The following ARPP21 variants were observed in gnomAD, a reference collection of about 807,000 sequenced individuals.
The protein encoded by ARPP21 is cAMP-regulated phosphoprotein 21.
Under a neutral mutation model 113.2 loss-of-function variants are expected in ARPP21, and 69 were observed. The observed-to-expected ratio is 0.61, with a 90% CI of 0.50 to 0.74. ARPP21 has a LOEUF of 0.74. ARPP21 is among the 30% of genes least tolerant of loss of function. The pLI is 0.00. For synonymous variants in ARPP21, 368 were observed against 375.5 expected (o/e 0.98, Z 0.23); for missense variants, 1,070 against 1,037.4 (o/e 1.03, Z -0.43).
chr3:35,771,239 T>G (rs542510215), intron 19 of ARPP21, among the ~76,000 whole-genome samples: 1 of 152,316 alleles, frequency 6.6e-6, no homozygotes, highest in South Asian at 2.1e-4. Context: ...TCTGGGCACA[T>G]TGGTGACCAT....
intron 1 of ARPP21, among the ~76,000 whole-genome samples, chr3:35,679,189 A>G (rs1053503210): frequency 2.0e-5 from 3 of 151,946 alleles, no homozygotes; most frequent in Non-Finnish European, 4.4e-5. Flanking sequence ...CAACAAGAAT[A>G]TTAGGAATTC....
At chr3:35,678,608 G>C (rs530298480) in intron 1 of ARPP21, among the ~76,000 whole-genome samples, 16 of 152,012 alleles carry the variant, frequency 1.1e-4, no homozygotes, top group Non-Finnish European at 1.5e-4. Context: ...CATAAAACAT[G>C]AATAAATCCA....
rs552370637 is a variant in ARPP21 at position 35,737,076 on chromosome 3, C to A, written c.1460-102C>A. The A allele has an allele frequency of 6.2e-5, 44 of 705,770 alleles. No homozygotes were observed. In the South Asian group the frequency reaches 8.2e-4, roughly 13 times the overall value. The allele number at this position is 705,770 out of a possible 1,614,324, so 43.7% of individuals were successfully genotyped here. On this transcript the variant is annotated intron_variant, in intron 15 of 20. Transcript: ENST00000684406. ...GGGTCTTAGATTTCCACTGCCCTGC[C>A]CCTTTACTTTAGGTTACTTTTTGAG... is the stretch of plus-strand genomic sequence containing the variant.
At chr3:35,694,265 C>T (rs1252821818) in intron 9 of ARPP21, among the ~76,000 whole-genome samples, 1 of 151,468 alleles carries the variant, frequency 6.6e-6, no homozygotes, top group African/African-American at 2.4e-5. Flanking sequence ...GTGTACTGCA[C>T]TGACCTCTGG....
chr3:35,667,841 A>AAGAAGAAAAGAAGAAGAAGAAG (rs1559547262), intron 1 of ARPP21, among the ~76,000 whole-genome samples: 30 of 81,536 alleles, frequency 3.7e-4, no homozygotes, highest in African/African-American at 1.5e-3. Context: ...TTTTATTCTC[A>AAGAAGAAAAGAAGAAGAAGAAG]AAGAAGAAGA....
intron 1 of ARPP21, among the ~76,000 whole-genome samples, chr3:35,668,639 C>G (rs1248731915): frequency 2.6e-5 from 4 of 152,086 alleles, no homozygotes; most frequent in Non-Finnish European, 4.4e-5. Flanking sequence ...TGCCAAGATT[C>G]AAATTACACA....
chr3:35,739,276 C>T lies in ARPP21; in HGVS notation c.1750-41C>T, dbSNP rs560573169. 3.8e-6 allele frequency: 6 copies of T among 1,595,940 alleles called. No homozygotes were observed. In the South Asian group the frequency reaches 5.7e-5, roughly 15 times the overall value. On this transcript the variant is annotated intron_variant, in intron 17 of 20. Transcript: ENST00000684406. Reference sequence around the variant, plus strand: ...TCAGAGTGCCTCTCTTATTACCAAGCTGATCCTGTGAATTCCCTCATTTAT... The same window carrying T: ...TCAGAGTGCCTCTCTTATTACCAAGTTGATCCTGTGAATTCCCTCATTTAT...
chr3:35,715,291 T>G, intron 11 of ARPP21, 148 bp from the exon 12 acceptor site: 1 of 652,016 alleles, frequency 1.5e-6, no homozygotes, highest in Non-Finnish European at 2.7e-6. Flanking sequence ...TAACCAACCT[T>G]TTTCCTTTTT....
intron 9 of ARPP21, among the ~76,000 whole-genome samples, chr3:35,704,750 C>A (rs2149936708): frequency 6.6e-6 from 1 of 152,058 alleles, no homozygotes; most frequent in Middle Eastern, 3.4e-3. Context: ...GCTAAATGTT[C>A]ATTTGCTTAT....
chr3:35,712,561 T>TCA lies in ARPP21; in HGVS notation c.898-2878_898-2877insCA, dbSNP rs1559709422. On this transcript the variant is annotated intron_variant, in intron 11 of 20. Transcript: ENST00000684406. ...GTGTGTGTGTGTGTGTGTGTGTGTGTGAAAGAGAGAGAGTGTGTGTGTGTA... is the reference window on the plus strand; with the variant it reads ...GTGTGTGTGTGTGTGTGTGTGTGTGTCAGAAAGAGAGAGAGTGTGTGTGTGTA... Among the ~76,000 whole-genome samples the TCA allele has an allele frequency of 3.1e-3, 439 of 143,644 alleles. 1 individual carries two copies. The highest frequency in any genetic ancestry group is 9.8e-3 in the African/African-American group (373 of 37,926). 94.2% of individuals were successfully genotyped at this position (143,644 alleles called of 152,430 possible).
chr3:35,720,949 G>C (rs1219574114), intron 13 of ARPP21, among the ~76,000 whole-genome samples: 1 of 152,160 alleles, frequency 6.6e-6, no homozygotes, highest in Non-Finnish European at 1.5e-5. Context: ...ATTTTCAAAA[G>C]TTTTTCTACG....
At chr3:35,644,992 C>A (rs192299886) in intron 1 of ARPP21, among the ~76,000 whole-genome samples, 1 of 151,670 alleles carries the variant, frequency 6.6e-6, no homozygotes, top group East Asian at 1.9e-4. Flanking sequence ...ATTGTAATTG[C>A]GACATTAAAA....
At chr3:35,645,159 A>T (rs1016109096) in intron 1 of ARPP21, among the ~76,000 whole-genome samples, 4 of 151,852 alleles carry the variant, frequency 2.6e-5, no homozygotes, top group Non-Finnish European at 2.9e-5. Flanking sequence ...TATCCAGATA[A>T]AGAGGGCAAG....
rs543715449 is a variant in ARPP21 at position 35,781,126 on chromosome 3, G to A, written c.2138-11256G>A. ...ATCCCTCTGCCTGAGAATTTAGATA[G>A]CTGGTTGTCCCTTGTGAGGGAGCTC... On this transcript the variant is annotated intron_variant, in intron 19 of 20. Transcript: ENST00000684406. Among the ~76,000 whole-genome samples, 3 of 152,292 alleles carry A rather than the reference G, an allele frequency of 2.0e-5. No individual in the cohort carries two copies. The East Asian group carries it at 5.8e-4, about 29-fold the overall frequency.
chr3:35,713,112 C>T (rs971731291), intron 11 of ARPP21, among the ~76,000 whole-genome samples: 1 of 152,082 alleles, frequency 6.6e-6, no homozygotes, highest in Non-Finnish European at 1.5e-5. Context: ...TAAGCAAAAT[C>T]GTTTTTCTTC....
intron 20 of ARPP21, 58 bp from the exon 21 acceptor site, chr3:35,793,643 T>C (rs1409148750): frequency 1.6e-6 from 2 of 1,236,188 alleles, no homozygotes; most frequent in Non-Finnish European, 2.4e-6. Flanking sequence ...CCATGTTGTT[T>C]ATTGTACAGA....
intron 19 of ARPP21, among the ~76,000 whole-genome samples, chr3:35,762,096 C>CCTCTCTCTCTCTCT (rs373149403): frequency 4.1e-4 from 56 of 136,122 alleles, no homozygotes; most frequent in Middle Eastern, 3.6e-3. Context: ...CTCTCTCTCT[C>CCTCTCTCTCTCTCT]CTCTCTCTCT....
chr3:35,712,320 G>C (rs998457592), intron 11 of ARPP21, among the ~76,000 whole-genome samples: 10 of 152,024 alleles, frequency 6.6e-5, no homozygotes, highest in African/African-American at 2.4e-4. Flanking sequence ...GCTTTCCTTG[G>C]CAATTATTAT....
At position 35,721,545 on chromosome 3, in the gene ARPP21, C is replaced by A. The variant is rs2093072512; in HGVS notation, c.996-60C>A. The stretch of plus-strand genomic sequence containing the variant: ...AAGAAAAGCCTTGCTCTGTGCCTAC[C>A]AACACCATGCATGTAAGGTAATCCT... On this transcript the variant is annotated intron_variant, in intron 13 of 20. Transcript: ENST00000684406. The A allele has an allele frequency of 3.1e-6, 3 of 974,214 alleles. No individual in the cohort carries two copies. The South Asian group carries it at 4.2e-5, about 14-fold the overall frequency. 60.3% of individuals were successfully genotyped at this position (974,214 alleles called of 1,614,324 possible). A position where few individuals can be genotyped will look rare whatever the true frequency, so the allele number is the denominator to read the frequency against.
Sources: gnomAD v4.1 joint callset for allele counts (sites outside exome capture counted in the v4.1 genomes callset) on GRCh38, gnomAD v4.1.1 for gene constraint, MANE v1.5 for transcripts, NCBI Gene and HGNC (gene_info 2026-07-23, HGNC 2026-07-21) for gene names.